The following C14orf39 variants were observed in gnomAD, a reference collection of about 807,000 sequenced individuals.
C14orf39 encodes the protein chromosome 14 open reading frame 39, also known as protein SIX6OS1.
C14orf39 carries 66 observed loss-of-function variants against 85.6 expected under a neutral mutation model. That is an observed-to-expected ratio of 0.77 (90% CI 0.63 to 0.95). The LOEUF (loss-of-function observed/expected upper bound fraction) is 0.95, where lower values mean the gene tolerates loss of function less well. Ranked by LOEUF, C14orf39 falls within the 40% of genes least tolerant of loss-of-function variation. The pLI, the probability that C14orf39 is intolerant of heterozygous loss-of-function variation, is 0.00. For synonymous variants in C14orf39, 242 were observed against 214.0 expected, an observed-to-expected ratio of 1.13 and a Z score of -1.14; for missense variants, 735 against 663.9, an observed-to-expected ratio of 1.11 and a Z score of -1.18.
chr14:60,500,893 A>T (rs1893135989), intron 1 of C14orf39, among the ~76,000 whole-genome samples: 1 of 152,220 alleles, frequency 6.6e-6, no homozygotes, highest in African/African-American at 2.4e-5. Context: ...AGACATTTCC[A>T]GTAGGAAAAA....
chr14:60,513,398 G>T (rs12895784), intron 1 of C14orf39, among the ~76,000 whole-genome samples: 130,946 of 152,144 alleles, frequency 0.86, 57,018 homozygotes, highest in Non-Finnish European at 0.92. Flanking sequence ...GGGGACTCAC[G>T]GTCAAGGTTA....
chr14:60,471,763 G>A (rs1004923058), intron 5 of C14orf39, 24 bp from the exon 6 acceptor site: 3 of 1,363,314 alleles, frequency 2.2e-6, no homozygotes, highest in East Asian at 4.7e-5. Flanking sequence ...AAGAAATGAT[G>A]TTTATATAAC....
chr14:60,457,801 A>G (rs1891346088), intron 14 of C14orf39, among the ~76,000 whole-genome samples: 1 of 152,028 alleles, frequency 6.6e-6, no homozygotes, highest in South Asian at 2.1e-4. Context: ...TATCATCAGT[A>G]AAGTGTTCCA....
upstream of C14orf39, among the ~76,000 whole-genome samples, chr14:60,489,685 C>T (rs935994254): frequency 6.6e-5 from 10 of 152,148 alleles, no homozygotes; most frequent in African/African-American, 1.9e-4. Flanking sequence ...ATCAAATATG[C>T]CTTTTCTCTT....
intron 1 of C14orf39, among the ~76,000 whole-genome samples, chr14:60,500,343 T>A (rs961819508): frequency 1.3e-5 from 2 of 152,218 alleles, no homozygotes; most frequent in African/African-American, 4.8e-5. Context: ...GACACTCTTA[T>A]ACAGAGTGGG....
chr14:60,469,138 T>C (rs1891943190), intron 8 of C14orf39, among the ~76,000 whole-genome samples: 1 of 151,140 alleles, frequency 6.6e-6, no homozygotes, highest in African/African-American at 2.4e-5. Context: ...TTTTCAAGTT[T>C]AAATTCTTTA....
chr14:60,481,829 T>C (rs1173187377), intron 4 of C14orf39, among the ~76,000 whole-genome samples: 1 of 152,210 alleles, frequency 6.6e-6, no homozygotes, highest in Non-Finnish European at 1.5e-5. Context: ...TATTAATTTC[T>C]ACAAGTACTT....
intron 1 of C14orf39, among the ~76,000 whole-genome samples, chr14:60,507,378 G>A (rs538683877): frequency 6.6e-6 from 1 of 152,252 alleles, no homozygotes; most frequent in African/African-American, 2.4e-5. Context: ...CTTTCTAAAA[G>A]TTGTCCTTCC....
intron 16 of C14orf39, among the ~76,000 whole-genome samples, chr14:60,454,145 T>C (rs1409014937): frequency 6.8e-6 from 1 of 146,146 alleles, no homozygotes; most frequent in Non-Finnish European, 1.5e-5. Flanking sequence ...TACTATAACA[T>C]GTATAGTACT....
At chr14:60,465,862 AC>A (rs1266135960) in intron 11 of C14orf39, 116 bp downstream of exon 11, 3 of 7,110 alleles carry the variant, frequency 4.2e-4, no homozygotes, top group Admixed American at 4.2e-3. Flanking sequence ...ACACACACAC[AC>A]ACACACACAC....
rs1184086571 is a variant in C14orf39, at chr14:60,509,641, G to A, written c.-144+5754C>T. 1.9e-6 allele frequency: 3 copies of A among 1,613,788 alleles called. No homozygotes were observed. Among genetic ancestry groups the A allele is most frequent in the Non-Finnish European group, 2.5e-6 (3 of 1,180,030 alleles). ...TCCTGGAAAACCACAAGTTCACCAA[G>A]GAGTCGCACGCCAAGCTGCAGGCGC... On this transcript the variant is annotated intron_variant, in intron 1 of 5. Transcript: ENST00000556799.
At chr14:60,492,837 G>A (rs993145192) in intron 2 of C14orf39, among the ~76,000 whole-genome samples, 1 of 152,044 alleles carries the variant, frequency 6.6e-6, no homozygotes, top group Non-Finnish European at 1.5e-5. Flanking sequence ...TCACAGCCAG[G>A]ACTTGCCTGT....
intron 1 of C14orf39, among the ~76,000 whole-genome samples, chr14:60,503,217 C>T (rs115861000): frequency 2.0e-5 from 3 of 152,166 alleles, no homozygotes; most frequent in Non-Finnish European, 2.9e-5. Flanking sequence ...CCAGTTTCCA[C>T]CCCCGCTCAA....
chr14:60,502,326 A>G (rs891435995), intron 1 of C14orf39, among the ~76,000 whole-genome samples: 3 of 152,204 alleles, frequency 2.0e-5, no homozygotes, highest in Non-Finnish European at 2.9e-5. Flanking sequence ...ATAAATATGA[A>G]TTATTACAAC....
chr14:60,450,632 C>T (rs565002248), intron 16 of C14orf39, among the ~76,000 whole-genome samples: 2 of 152,342 alleles, frequency 1.3e-5, no homozygotes, highest in Admixed American at 1.3e-4. Context: ...GGCTTCACCA[C>T]CTGCTGATCA....
At chr14:60,472,762 C>A (rs925254240) in intron 5 of C14orf39, among the ~76,000 whole-genome samples, 3 of 152,168 alleles carry the variant, frequency 2.0e-5, no homozygotes, top group Admixed American at 2.0e-4. Context: ...GCATAGTATT[C>A]CATGATGTAT....
intron 1 of C14orf39, chr14:60,509,675 G>C (rs78954112): frequency 4.0e-5 from 64 of 1,613,796 alleles, no homozygotes; most frequent in Non-Finnish European, 4.7e-5. Context: ...GCTGTGGCTT[G>C]AAGCACACTA....
In C14orf39 at chr14:60,456,904, A is replaced by G; in HGVS notation, c.1358+13T>C. 2.6e-6 allele frequency: 4 copies of G among 1,547,242 alleles called. No individual in the cohort carries two copies. The highest frequency in any genetic ancestry group is 3.5e-6 in the Non-Finnish European group (4 of 1,149,872). On this transcript the variant is annotated intron_variant, in intron 15 of 17. Coordinates refer to ENST00000321731, the MANE Select transcript of C14orf39 (RefSeq NM_174978.3). Reference sequence around the variant, plus strand: ...ACAAATAATTTAACAATAGTTATTAATTAAAATCCTACATTTCGAACGGGG... The same window carrying G: ...ACAAATAATTTAACAATAGTTATTAGTTAAAATCCTACATTTCGAACGGGG...
At chr14:60,497,292 A>G (rs1394535035) in intron 2 of C14orf39, among the ~76,000 whole-genome samples, 2 of 152,194 alleles carry the variant, frequency 1.3e-5, no homozygotes, top group Non-Finnish European at 2.9e-5. Context: ...TATCCTTCAT[A>G]GCAATTAACA....
Sources: allele counts gnomAD v4.1 joint callset (sites outside exome capture counted in the v4.1 genomes callset), GRCh38; gene constraint gnomAD v4.1.1; transcripts MANE v1.5; gene names NCBI Gene and HGNC (gene_info 2026-07-23, HGNC 2026-07-21).